The following RALYL variants were observed in gnomAD, a reference collection of about 807,000 sequenced individuals.
The protein encoded by RALYL is RALY RNA binding protein like, also known as RNA-binding Raly-like protein.
RALYL carries 29 observed loss-of-function variants against 35.1 expected under a neutral mutation model. The observed-to-expected ratio is 0.83, with a 90% CI of 0.61 to 1.13. RALYL has a LOEUF of 1.13. RALYL is among the 50% of genes most tolerant of loss of function. RALYL has a pLI of 0.00. For synonymous variants in RALYL, 120 were observed against 127.6 expected (o/e 0.94, Z 0.40); for missense variants, 359 against 360.4 (o/e 1.00, Z 0.03).
chr8:84,701,581 A>C (rs892891800), intron 2 of RALYL, among the ~76,000 whole-genome samples: 2 of 152,170 alleles, frequency 1.3e-5, no homozygotes, highest in Non-Finnish European at 2.9e-5. Context: ...AATTCGATAC[A>C]TTTGATCTTC....
intron 2 of RALYL, among the ~76,000 whole-genome samples, chr8:84,712,900 T>C (rs1359580361): frequency 6.6e-6 from 1 of 152,168 alleles, no homozygotes; most frequent in Non-Finnish European, 1.5e-5. Context: ...AACATTTTCT[T>C]CCATTCCATG....
chr8:84,469,627 C>T (rs2052372477), intron 1 of RALYL, among the ~76,000 whole-genome samples: 1 of 152,218 alleles, frequency 6.6e-6, no homozygotes, highest in Non-Finnish European at 1.5e-5. Context: ...GTGGAGCCTA[C>T]AGAGGAAAGC....
At chr8:84,683,205 GAC>G (rs1405901897) in intron 2 of RALYL, among the ~76,000 whole-genome samples, 1 of 152,190 alleles carries the variant, frequency 6.6e-6, no homozygotes, top group Non-Finnish European at 1.5e-5. Context: ...TGGTCTGAGA[GAC>G]AGTTTCTTAT....
chr8:84,558,985 C>T (rs1286030435), intron 2 of RALYL, among the ~76,000 whole-genome samples: 1 of 152,006 alleles, frequency 6.6e-6, no homozygotes, highest in Non-Finnish European at 1.5e-5. Context: ...CTCATTAAGC[C>T]TTCATCACAT....
chr8:84,529,249 A>C, intron 1 of RALYL, 50 bp from the exon 2 acceptor site: 2 of 1,536,220 alleles, frequency 1.3e-6, no homozygotes, highest in Non-Finnish European at 8.8e-7. Flanking sequence ...ATTCGATCTA[A>C]TGATTTACCT....
chr8:84,475,207 A>G (rs1293408475), intron 1 of RALYL, among the ~76,000 whole-genome samples: 1 of 152,018 alleles, frequency 6.6e-6, no homozygotes, highest in Non-Finnish European at 1.5e-5. Context: ...GATGGTTTCC[A>G]GCTTCATCCA....
intron 1 of RALYL, among the ~76,000 whole-genome samples, chr8:84,294,028 A>G (rs1364533569): frequency 6.6e-6 from 1 of 152,032 alleles, no homozygotes; most frequent in African/African-American, 2.4e-5. Context: ...AAGGCATATT[A>G]TTTGTTTTGT....
intron 1 of RALYL, among the ~76,000 whole-genome samples, chr8:84,268,069 T>C (rs1042513692): frequency 1.1e-4 from 16 of 152,216 alleles, no homozygotes; most frequent in Non-Finnish European, 1.6e-4. Flanking sequence ...ATATGAAGAA[T>C]AGAGGAAAAC....
intron 1 of RALYL, among the ~76,000 whole-genome samples, chr8:84,309,789 T>C (rs1265416175): frequency 6.6e-6 from 1 of 152,098 alleles, no homozygotes; most frequent in Non-Finnish European, 1.5e-5. Context: ...AGTGGGTGTT[T>C]GTTTGTTTTT....
intron 1 of RALYL, among the ~76,000 whole-genome samples, chr8:84,429,449 A>G (rs1415402158): frequency 6.6e-6 from 1 of 152,028 alleles, no homozygotes; most frequent in African/African-American, 2.4e-5. Flanking sequence ...AGTACTTTCA[A>G]TGAGGGCTGA....
At chr8:84,700,767 C>T (rs188091418) in intron 2 of RALYL, among the ~76,000 whole-genome samples, 71 of 152,146 alleles carry the variant, frequency 4.7e-4, no homozygotes, top group African/African-American at 1.6e-3. Flanking sequence ...TGACTTGGGG[C>T]GAATGGATGT....
rs767397433 is a variant in RALYL at position 84,887,596 on chromosome 8, C to A, written c.686-8C>A. The stretch of plus-strand genomic sequence containing the variant: ...AGGTAGTAGTCATTTGCTTTCTCCC[C>A]CCCCCAGAAGCTCAGAAGAAGCAAT... On this transcript the variant is annotated splice_polypyrimidine_tract_variant and splice_region_variant and intron_variant, in intron 7 of 8. Coordinates refer to ENST00000521268, the MANE Select transcript of RALYL (RefSeq NM_173848.7). The A allele has an allele frequency of 2.5e-6, 4 of 1,599,052 alleles. No homozygotes were observed. Among genetic ancestry groups the A allele is most frequent in the Admixed American group, 3.5e-5 (2 of 56,956 alleles).
chr8:84,756,625 G>T (rs186122908), intron 2 of RALYL, among the ~76,000 whole-genome samples: 180 of 152,182 alleles, frequency 1.2e-3, no homozygotes, highest in Admixed American at 1.8e-3. Context: ...AACGTCACCT[G>T]CTGATCCTGG....
chr8:84,833,708 A>G (rs1242812468), intron 4 of RALYL, among the ~76,000 whole-genome samples: 1 of 151,836 alleles, frequency 6.6e-6, no homozygotes, highest in African/African-American at 2.4e-5. Context: ...ATTGCAATTG[A>G]CAAAAACACT....
chr8:84,359,162 C>T (rs1487851714), intron 1 of RALYL, among the ~76,000 whole-genome samples: 1 of 151,340 alleles, frequency 6.6e-6, no homozygotes, highest in Non-Finnish European at 1.5e-5. Context: ...GTATGTAACC[C>T]TAATTTTATT....
chr8:84,856,781 C>A (rs1837079089), intron 5 of RALYL, among the ~76,000 whole-genome samples: 1 of 151,606 alleles, frequency 6.6e-6, no homozygotes, highest in South Asian at 2.1e-4. Flanking sequence ...GTAATCCCAG[C>A]ACTTTGGGAG....
intron 8 of RALYL, among the ~76,000 whole-genome samples, chr8:84,899,702 G>A (rs577570129): frequency 5.9e-5 from 9 of 152,170 alleles, no homozygotes; most frequent in Non-Finnish European, 1.3e-4. Flanking sequence ...CAACACAGCA[G>A]TATTGACTCT....
intron 2 of RALYL, among the ~76,000 whole-genome samples, chr8:84,539,848 A>ATGTG (rs2059880715): frequency 8.9e-5 from 1 of 11,188 alleles, no homozygotes; most frequent in African/African-American, 1.7e-4. Flanking sequence ...ATATATATAT[A>ATGTG]TATATGTATA....
intron 2 of RALYL, among the ~76,000 whole-genome samples, chr8:84,754,768 C>T (rs914886703): frequency 1.6e-4 from 24 of 152,142 alleles, no homozygotes; most frequent in African/African-American, 5.5e-4. Flanking sequence ...GGAATGATTA[C>T]TGATAGATGC....
Sources: gnomAD v4.1 joint callset for allele counts (sites outside exome capture counted in the v4.1 genomes callset) on GRCh38, gnomAD v4.1.1 for gene constraint, MANE v1.5 for transcripts, NCBI Gene and HGNC (gene_info 2026-07-23, HGNC 2026-07-21) for gene names.